Variants in HIVEP3 observed in about 807,000 individuals in gnomAD.
HIVEP3 encodes the protein transcription factor HIVEP3.
HIVEP3 carries 49 observed loss-of-function variants against 152.8 expected under a neutral mutation model. The observed-to-expected ratio is 0.32, with a 90% confidence interval of 0.26 to 0.41. The LOEUF is 0.41. Ranked by LOEUF, HIVEP3 falls within the 10% of genes least tolerant of loss-of-function variation. The pLI is 1.00. For missense variants in HIVEP3, 2,790 were observed against 3,103.3 expected (o/e 0.90, Z 2.40); for synonymous variants, 1,269 against 1,289.0 (o/e 0.98, Z 0.33).
At chr1:41,528,023 CTCACCTTCACAT>C (rs1643060253) in intron 5 of HIVEP3, among the ~76,000 whole-genome samples, 2 of 125,902 alleles carry the variant, frequency 1.6e-5, no homozygotes, top group Non-Finnish European at 1.6e-5. Flanking sequence ...CGCCCTCACA[CTCACCTTCACAT>C]TCACACTCCA....
At position 41,512,989 on chromosome 1, in the gene HIVEP3, C is replaced by A; in HGVS notation, c.6232G>T (p.Glu2078Ter). 1 of 1,613,312 alleles carries A rather than the reference C, an allele frequency of 6.2e-7. No individual in the cohort carries two copies. The highest frequency in any genetic ancestry group is 8.5e-7 in the Non-Finnish European group (1 of 1,179,714). The change falls in exon 8 of 9, where the codon GAG becomes TAG. Residue 2078 changes from glutamate to a stop codon, truncating the protein, a stop_gained. Transcript: ENST00000372583. LOFTEE classifies it high-confidence loss of function. ...PTRRWSPGQA[E>*]SPPRSAPPGK... Reference sequence around the variant, plus strand: ...GGCGGCGCTGACCGTGGTGGTGACTCGGCCTGACCTGGAGACCATCTCCTG... The same window carrying A: ...GGCGGCGCTGACCGTGGTGGTGACTAGGCCTGACCTGGAGACCATCTCCTG...
At chr1:41,925,466 G>A (rs1217340595) in intron 1 of HIVEP3, among the ~76,000 whole-genome samples, 1 of 152,134 alleles carries the variant, frequency 6.6e-6, no homozygotes, top group Non-Finnish European at 1.5e-5. Flanking sequence ...TTATTAAGTG[G>A]AAGTGAATCA....
chr1:41,682,494 G>A (rs1403919298), intron 2 of HIVEP3, among the ~76,000 whole-genome samples: 11 of 152,298 alleles, frequency 7.2e-5, no homozygotes, highest in East Asian at 5.8e-4. Flanking sequence ...GGACCCCGCC[G>A]AATACCCTGT....
At position 41,962,176 on chromosome 1, in the gene HIVEP3, A is replaced by C. The variant is rs16828932; in HGVS notation, n.120-43652T>G. On this transcript the variant is annotated intron_variant and non_coding_transcript_variant, in intron 1 of 3. Transcript: ENST00000489103. Reference sequence around the variant, plus strand: ...AATATAGGAAAATAAACTGCAATACAAAAGAGGAAAGGGCAATAAATATTT... The same window carrying C: ...AATATAGGAAAATAAACTGCAATACCAAAGAGGAAAGGGCAATAAATATTT... 5.3e-3 allele frequency among the ~76,000 whole-genome samples: 801 copies of C among 152,348 alleles called. 7 individuals are homozygous for C. The highest frequency in any genetic ancestry group is 0.018 in the African/African-American group (764 of 41,578).
intron 1 of HIVEP3, among the ~76,000 whole-genome samples, chr1:41,898,334 G>T (rs375923454): frequency 6.6e-6 from 1 of 152,144 alleles, no homozygotes; most frequent in African/African-American, 2.4e-5. Flanking sequence ...CTCCCTGGAG[G>T]GGGAGGGGGC....
rs949196462 is a variant in HIVEP3 at position 41,918,312 on chromosome 1, G to C, written c.-801+101C>G. ...CATACACAAAATGGAATCGCAGCTC[G>C]CTATTCTGCTTCGCGGTGCGGCCTC... On this transcript the variant is annotated intron_variant, in intron 1 of 8. Transcript: ENST00000372583. This position sits in a 1 kb window ranked among gnomAD's most constrained non-coding sequence, Gnocchi z 4.3. The C allele has an allele frequency of 2.6e-5, 4 of 152,578 alleles. No homozygotes were observed. Among genetic ancestry groups the C allele is most frequent in the Admixed American group, 1.3e-4 (2 of 15,292 alleles). 9.5% of individuals were successfully genotyped at this position (152,578 alleles called of 1,614,324 possible).
intron 6 of HIVEP3, among the ~76,000 whole-genome samples, chr1:41,518,809 T>G (rs2149049465): frequency 6.8e-6 from 1 of 146,012 alleles, no homozygotes; most frequent in East Asian, 2.0e-4. Context: ...ACAACTCAAG[T>G]GCAATAGGTT....
intron 1 of HIVEP3, among the ~76,000 whole-genome samples, chr1:42,019,666 C>T (rs896914674): frequency 6.6e-6 from 1 of 151,938 alleles, no homozygotes; most frequent in African/African-American, 2.4e-5. Context: ...TATATACAGT[C>T]ATGTTGCCTA....
At chr1:41,799,801 C>T (rs913475323) in intron 1 of HIVEP3, among the ~76,000 whole-genome samples, 2 of 152,118 alleles carry the variant, frequency 1.3e-5, no homozygotes, top group Non-Finnish European at 2.9e-5. Flanking sequence ...CCCCCCCTTC[C>T]CCCCAACCCC....
At chr1:41,593,068 G>A (rs1644611426) in intron 3 of HIVEP3, among the ~76,000 whole-genome samples, 1 of 152,180 alleles carries the variant, frequency 6.6e-6, no homozygotes. Context: ...CCCTAGTTTT[G>A]TCGAGACCAG....
chr1:41,929,790 A>G (rs1644987711), intron 1 of HIVEP3, among the ~76,000 whole-genome samples: 1 of 146,048 alleles, frequency 6.8e-6, no homozygotes. Flanking sequence ...CTCTGACTCT[A>G]ATCAAACACC....
chr1:41,682,797 T>A (rs1000382666), intron 2 of HIVEP3, among the ~76,000 whole-genome samples: 1 of 152,086 alleles, frequency 6.6e-6, no homozygotes, highest in Non-Finnish European at 1.5e-5. Context: ...TCATTTCTAT[T>A]CCTTCCAATA....
chr1:41,758,172 T>G (rs12146150), intron 1 of HIVEP3, among the ~76,000 whole-genome samples: 149,020 of 152,176 alleles, frequency 0.98, 73,041 homozygotes, highest in East Asian at 1. Flanking sequence ...AAGGCTGCCT[T>G]CCCCGGACAG....
chr1:41,768,924 C>G lies in HIVEP3; in HGVS notation c.-800-67929G>C, dbSNP rs535028003. ...CCTCAGGACCTCAGGCCGCATCCGG[C>G]AGGTCTCCCCACAAGGCTTCCATTC... On this transcript the variant is annotated intron_variant, in intron 1 of 8. Coordinates refer to ENST00000372583, the MANE Select transcript of HIVEP3 (RefSeq NM_024503.5). 2.6e-5 allele frequency among the ~76,000 whole-genome samples: 4 copies of G among 152,356 alleles called. No individual in the cohort carries two copies. The South Asian group carries it at 8.3e-4, about 32-fold the overall frequency.
chr1:41,623,536 TC>T (rs1214074367), intron 3 of HIVEP3, among the ~76,000 whole-genome samples: 1 of 152,220 alleles, frequency 6.6e-6, no homozygotes, highest in Non-Finnish European at 1.5e-5. Context: ...GGTTTTTCTA[TC>T]CCCTTGAGGC....
chr1:41,643,277 T>C (rs1485808127), intron 2 of HIVEP3, among the ~76,000 whole-genome samples: 6 of 152,186 alleles, frequency 3.9e-5, no homozygotes, highest in Admixed American at 6.5e-5. Context: ...GTCTCTCTTC[T>C]CTAACGCTTC....
chr1:41,518,373 A>AT, intron 7 of HIVEP3, 29 bp downstream of exon 7: 1 of 1,581,710 alleles, frequency 6.3e-7, no homozygotes, highest in Non-Finnish European at 8.7e-7. Context: ...ACAAGGGGAA[A>AT]GGGGACGGAG....
intron 6 of HIVEP3, among the ~76,000 whole-genome samples, 156 bp from the exon 7 acceptor site, chr1:41,518,644 T>G (rs917914757): frequency 6.6e-6 from 1 of 152,168 alleles, no homozygotes; most frequent in Non-Finnish European, 1.5e-5. Flanking sequence ...GGGGTATCCC[T>G]CTGCCCCGGT....
chr1:41,625,224 C>T (rs1028690317), intron 3 of HIVEP3, among the ~76,000 whole-genome samples: 3 of 86,948 alleles, frequency 3.5e-5, no homozygotes, highest in Non-Finnish European at 4.5e-5. Flanking sequence ...TCAAGCCAAA[C>T]GAAACAAGAA....
Sources: gnomAD v4.1 joint callset for allele counts (sites outside exome capture counted in the v4.1 genomes callset) on GRCh38, gnomAD v4.1.1 for gene constraint, Gnocchi (gnomAD v3.1) non-coding constraint, MANE v1.5 for transcripts, NCBI Gene and HGNC (gene_info 2026-07-23, HGNC 2026-07-21) for gene names.